CFAP57: variants seen among roughly 807,000 people sequenced by gnomAD.
CFAP57 encodes the protein cilia- and flagella-associated protein 57.
CFAP57 carries 116 observed loss-of-function variants against 146.8 expected under a neutral mutation model. The ratio of observed to expected loss-of-function variants is 0.79; its 90% CI spans 0.68 to 0.92. The LOEUF is 0.92. CFAP57 is among the 40% of genes least tolerant of loss of function. The pLI is 0.00. For missense variants in CFAP57, 1,377 were observed against 1,527.2 expected, an observed-to-expected ratio of 0.90 and a Z score of 1.64; for synonymous variants, 518 against 552.8, an observed-to-expected ratio of 0.94 and a Z score of 0.88.
intron 11 of CFAP57, chr1:43,210,298 C>A: frequency 7.0e-7 from 1 of 1,427,780 alleles, no homozygotes; most frequent in Admixed American, 2.9e-5. Flanking sequence ...GCCCCTACCT[C>A]TCCCTGAGGG....
intron 1 of CFAP57, 136 bp from the exon 2 acceptor site, chr1:43,172,599 A>G (rs1223319148): frequency 2.2e-6 from 1 of 461,020 alleles, no homozygotes; most frequent in East Asian, 6.7e-5. Flanking sequence ...GGGAGGGGAA[A>G]GGGGAGGGAC....
chr1:43,219,542 G>A lies in CFAP57; in HGVS notation c.2247+5G>A. 1 of 1,550,362 alleles carries A rather than the reference G, an allele frequency of 6.5e-7. No homozygotes were observed. The highest frequency in any genetic ancestry group is 2.0e-5 in the Admixed American group (1 of 51,004). On this transcript the variant is annotated splice_donor_5th_base_variant and intron_variant, in intron 13 of 22. Coordinates refer to ENST00000372492, the MANE Select transcript of CFAP57 (RefSeq NM_001378189.1). ...TCCTTGAAAACAAAAAACCAGGTCT[G>A]TTTAAGAGACTGACCAACAAGCACA...
chr1:43,206,941 G>T lies in CFAP57; in HGVS notation c.1755+9G>T. The T allele has an allele frequency of 6.3e-7, 1 of 1,578,246 alleles. No homozygotes were observed. The highest frequency in any genetic ancestry group is 8.6e-7 in the Non-Finnish European group (1 of 1,163,256). On this transcript the variant is annotated intron_variant, in intron 10 of 22. Transcript: ENST00000372492. Reference sequence around the variant, plus strand: ...AGATTGCAGATTCCTTGGTGAGTCTGCCCCTGCCCCGCCTCTGGGCTGGTG... The same window carrying T: ...AGATTGCAGATTCCTTGGTGAGTCTTCCCCTGCCCCGCCTCTGGGCTGGTG...
chr1:43,222,261 C>G lies in CFAP57; in HGVS notation c.2498C>G (p.Ala833Gly). The G allele has an allele frequency of 6.8e-7, 1 of 1,472,344 alleles. No homozygotes were observed. The highest frequency in any genetic ancestry group is 9.0e-7 in the Non-Finnish European group (1 of 1,107,744). The allele number at this position is 1,472,344 out of a possible 1,614,324, so 91.2% of individuals were successfully genotyped here. Reference sequence around the variant, plus strand: ...GAGGAGCTGACTGAGTTTTACGAGGCAAAACTGCAGGAGAAAACCACCCTT... The same window carrying G: ...GAGGAGCTGACTGAGTTTTACGAGGGAAAACTGCAGGAGAAAACCACCCTT... ...ALEELTEFYE[A>G]KLQEKTTLLE... The change falls in exon 15 of 23, where the codon GCA becomes GGA. Residue 833 changes from alanine to glycine, a missense_variant. Coordinates refer to ENST00000372492, the MANE Select transcript of CFAP57 (RefSeq NM_001378189.1).
intron 22 of CFAP57, among the ~76,000 whole-genome samples, chr1:43,252,350 C>T (rs551651189): frequency 6.6e-6 from 1 of 152,194 alleles, no homozygotes; most frequent in East Asian, 1.9e-4. Context: ...CAATTTCTAA[C>T]CAAAAGTCCC....
intron 10 of CFAP57, among the ~76,000 whole-genome samples, chr1:43,209,453 G>C (rs1644498833): frequency 6.6e-6 from 1 of 152,158 alleles, no homozygotes. Context: ...ACATGGAGAA[G>C]GCACAGAACA....
intron 6 of CFAP57, among the ~76,000 whole-genome samples, chr1:43,192,303 A>G (rs1168607860): frequency 6.6e-6 from 1 of 152,090 alleles, no homozygotes; most frequent in Non-Finnish European, 1.5e-5. Context: ...TCTTCTGCCT[A>G]CTTGTCTTGA....
chr1:43,233,100 G>A (rs555380), intron 19 of CFAP57, among the ~76,000 whole-genome samples: 151,139 of 152,330 alleles, frequency 0.99, 74,994 homozygotes, highest in Middle Eastern at 1. Flanking sequence ...GTACACACAG[G>A]GCTAATAATG....
Position 43,222,032 on chromosome 1 carries a change from GC to G in CFAP57, c.2342-70del, listed in dbSNP as rs1570203651. ...CTGGTGCTGGAAGGGATGGGAGAGC[GC>G]CCAAGGCTCCTGGGTGTCCCTGAAG... On this transcript the variant is annotated intron_variant, in intron 14 of 22. Transcript: ENST00000372492. 3.0e-6 allele frequency: 4 copies of G among 1,345,300 alleles called. No homozygotes were observed. The East Asian group carries it at 1.1e-4, about 37-fold the overall frequency. The allele number at this position is 1,345,300 out of a possible 1,614,324, so 83.3% of individuals were successfully genotyped here.
chr1:43,227,625 G>A (rs1476180286), intron 18 of CFAP57, among the ~76,000 whole-genome samples: 2 of 152,192 alleles, frequency 1.3e-5, no homozygotes, highest in East Asian at 1.9e-4. Flanking sequence ...GTTCTGGGAA[G>A]CAAACAGGAT....
intron 9 of CFAP57, among the ~76,000 whole-genome samples, chr1:43,205,814 CTTGGCCACATCTGCCCAG>C (rs1359144729): frequency 6.6e-6 from 1 of 151,416 alleles, no homozygotes; most frequent in Non-Finnish European, 1.5e-5. Flanking sequence ...AGTCGCTTAT[CTTGGCCACATCTGCCCAG>C]AGTGCACAGC....
In CFAP57 at chr1:43,254,183, A is replaced by G; in HGVS notation, c.3745A>G (p.Thr1249Ala). The change falls in exon 23 of 23, where the codon ACC (threonine) becomes GCC (alanine). Residue 1249 changes from threonine to alanine, a missense_variant. Physicochemically the swap from Thr to Ala is moderately conservative, Grantham distance 58. Transcript: ENST00000372492. ...CTCCGAGGTAGACTTAGAGGTGAAG[A>G]CCAACTGACCCCCTCTGGTGAGCCA... ...SNSEVDLEVK[T>A]N The G allele has an allele frequency of 6.5e-7, 1 of 1,547,582 alleles. No homozygotes were observed. Among genetic ancestry groups the G allele is most frequent in the Non-Finnish European group, 8.7e-7 (1 of 1,145,318 alleles).
chr1:43,197,233 TGCAGTCC>T (rs1050824861), intron 6 of CFAP57, among the ~76,000 whole-genome samples: 2 of 152,038 alleles, frequency 1.3e-5, no homozygotes, highest in African/African-American at 4.8e-5. Flanking sequence ...GGCAGGCGCC[TGCAGTCC>T]CAGCTACTCG....
At chr1:43,191,873 G>A (rs1643558659) in intron 6 of CFAP57, among the ~76,000 whole-genome samples, 1 of 150,634 alleles carries the variant, frequency 6.6e-6, no homozygotes, top group African/African-American at 2.4e-5. Flanking sequence ...TGAAAATGTA[G>A]GTATTTGCAG....
chr1:43,216,607 T>C (rs765199159), intron 12 of CFAP57, among the ~76,000 whole-genome samples: 9 of 152,126 alleles, frequency 5.9e-5, no homozygotes, highest in Non-Finnish European at 1.3e-4. Context: ...TGGAAATGAC[T>C]TGTGCATATA....
In CFAP57 at chr1:43,236,590, T is replaced by TAAAAAAAAAAAAAAAAA. The variant is rs764205138; in HGVS notation, c.3405+1963_3405+1979dup. ...CACTGGCCTGGTACAGAATAAGTGC[T>TAAAAAAAAAAAAAAAAA]AAAAAAAAAAAAAAAAAAAAAAAAA... is the stretch of plus-strand genomic sequence containing the variant. On this transcript the variant is annotated intron_variant, in intron 21 of 22. Transcript: ENST00000372492. 4.8e-5 allele frequency among the ~76,000 whole-genome samples: 2 copies of TAAAAAAAAAAAAAAAAA among 41,802 alleles called. 1 individual carries two copies. Among genetic ancestry groups the TAAAAAAAAAAAAAAAAA allele is most frequent in the Non-Finnish European group, 7.4e-5 (2 of 26,878 alleles). 27.4% of individuals were successfully genotyped at this position (41,802 alleles called of 152,430 possible). A position where few individuals can be genotyped will look rare whatever the true frequency, so the allele number is the denominator to read the frequency against.
intron 2 of CFAP57, among the ~76,000 whole-genome samples, chr1:43,177,657 T>G (rs560187978): frequency 9.9e-5 from 15 of 152,168 alleles, no homozygotes; most frequent in African/African-American, 3.4e-4. Context: ...ATGGACAGGA[T>G]GGAGAGGGTA....
intron 18 of CFAP57, chr1:43,232,086 GCC>G: frequency 1.4e-6 from 1 of 701,620 alleles, no homozygotes; most frequent in Non-Finnish European, 2.6e-6. Context: ...TTCTAAAGTG[GCC>G]CCAGAGGGTC....
intron 22 of CFAP57, among the ~76,000 whole-genome samples, chr1:43,249,651 C>T (rs1439746639): frequency 6.8e-6 from 1 of 147,334 alleles, no homozygotes; most frequent in Non-Finnish European, 1.5e-5. Context: ...ACCGTGTTTG[C>T]CCAGACTGGT....
Sources: allele counts gnomAD v4.1 joint callset (sites outside exome capture counted in the v4.1 genomes callset), GRCh38; gene constraint gnomAD v4.1.1; transcripts MANE v1.5; gene names NCBI Gene and HGNC (gene_info 2026-07-23, HGNC 2026-07-21).